The following VASH2 variants were observed in gnomAD, a reference collection of about 807,000 sequenced individuals.
The protein encoded by VASH2 is tubulinyl-Tyr carboxypeptidase 2.
VASH2 carries 28 observed loss-of-function variants against 37.2 expected under a neutral mutation model. That is an observed-to-expected ratio of 0.75 (90% CI 0.56 to 1.03). The LOEUF is 1.03. Among genes scored for constraint, VASH2 ranks in the 50% least tolerant of loss-of-function variants. The pLI is 0.00. For missense variants in VASH2, 419 were observed against 459.1 expected, an observed-to-expected ratio of 0.91 and a Z score of 0.80; for synonymous variants, 188 against 174.7, an observed-to-expected ratio of 1.08 and a Z score of -0.60.
rs958953525 is a variant in VASH2, at chr1:212,991,089, A to G, written c.*2505A>G. On this transcript the variant is annotated 3_prime_UTR_variant, in exon 8 of 8. Transcript: ENST00000517399. ...TAAGCCATCATGGCAATATATGCAA[A>G]GTTTAAATGAATGACAGAAATCTTG... 1 of 152,240 alleles carries G rather than the reference A, an allele frequency of 6.6e-6. No individual in the cohort carries two copies. The highest frequency in any genetic ancestry group is 1.5e-5 in the Non-Finnish European group (1 of 68,040). 9.4% of individuals were successfully genotyped at this position (152,240 alleles called of 1,614,324 possible).
rs76832873 is a variant in VASH2, at chr1:212,984,681, C to G, written c.996-3831C>G. Among the ~76,000 whole-genome samples, 1,318 of 152,280 alleles carry G rather than the reference C, an allele frequency of 8.7e-3. 46 individuals are homozygous for G. The highest frequency in any genetic ancestry group is 0.067 in the East Asian group (349 of 5,188). On this transcript the variant is annotated intron_variant, in intron 7 of 7. Transcript: ENST00000517399. ...CATATGTAAGAAAGCTTCAGAAACT[C>G]GGATGAGCTAACTGGTAGGTCCTAC...
chr1:212,966,227 A>G, intron 4 of VASH2, 44 bp from the exon 5 acceptor site: 2 of 1,511,912 alleles, frequency 1.3e-6, no homozygotes, highest in Non-Finnish European at 1.8e-6. Flanking sequence ...CCGAGTGTGT[A>G]ATTAAATAGG....
chr1:212,978,761 C>T (rs1667253462), intron 7 of VASH2, among the ~76,000 whole-genome samples: 1 of 152,116 alleles, frequency 6.6e-6, no homozygotes, highest in African/African-American at 2.4e-5. Flanking sequence ...TCCACAGAGC[C>T]CAGTTGGCTT....
Position 212,971,373 on chromosome 1 carries a change from GA to G in VASH2, c.498-1206del, listed in dbSNP as rs747307219. ...GAATTATTTGAGGAATTGCCATACT[GA>G]TCACATTGTGTGCATTCTGAGTCCA... On this transcript the variant is annotated intron_variant, in intron 5 of 7. Transcript: ENST00000517399. This position sits in a 1 kb window ranked among gnomAD's most constrained non-coding sequence, Gnocchi z 4.0. Among the ~76,000 whole-genome samples the G allele has an allele frequency of 4.6e-5, 7 of 152,196 alleles. No homozygotes were observed. Among genetic ancestry groups the G allele is most frequent in the Admixed American group, 2.0e-4 (3 of 15,284 alleles).
At chr1:212,982,861 C>T (rs1436677693) in intron 7 of VASH2, among the ~76,000 whole-genome samples, 1 of 152,126 alleles carries the variant, frequency 6.6e-6, no homozygotes, top group Non-Finnish European at 1.5e-5. Flanking sequence ...TAGTCCCTTT[C>T]CTTTGGAAGC....
rs1572068509 is a variant in VASH2, at chr1:212,968,885, T to G, written c.497+2540T>G. The G allele has an allele frequency of 7.1e-6, 7 of 985,414 alleles. No homozygotes were observed. The East Asian group carries it at 6.8e-4, about 96-fold the overall frequency. 61.0% of individuals were successfully genotyped at this position (985,414 alleles called of 1,614,324 possible). A position where few individuals can be genotyped will look rare whatever the true frequency, so the allele number is the denominator to read the frequency against. On this transcript the variant is annotated intron_variant, in intron 5 of 7. Coordinates refer to ENST00000517399, the MANE Select transcript of VASH2 (RefSeq NM_001301056.2). Reference sequence around the variant, plus strand: ...GACTCTTTGTTGAGGGGTGTCTGAGTGCCTCTGGATTTAGGTCATTGAAAT... The same window carrying G: ...GACTCTTTGTTGAGGGGTGTCTGAGGGCCTCTGGATTTAGGTCATTGAAAT...
chr1:212,966,695 A>G (rs1378733531), intron 5 of VASH2, among the ~76,000 whole-genome samples: 1 of 152,190 alleles, frequency 6.6e-6, no homozygotes, highest in Non-Finnish European at 1.5e-5. Flanking sequence ...ATGACATTGC[A>G]GCAGGAAAGA....
At chr1:212,986,472 CTT>C (rs1423967717) in intron 7 of VASH2, among the ~76,000 whole-genome samples, 1 of 152,232 alleles carries the variant, frequency 6.6e-6, no homozygotes, top group Non-Finnish European at 1.5e-5. Flanking sequence ...CATGTGGACT[CTT>C]TAAACCTGAC....
At chr1:212,969,166 A>G in intron 5 of VASH2, 1 of 984,548 alleles carries the variant, frequency 1.0e-6, no homozygotes. Context: ...TTGCACACAG[A>G]CAGGAAACAC....
intron 7 of VASH2, 114 bp from the exon 8 acceptor site, chr1:212,988,398 G>A (rs1414574485): frequency 3.8e-6 from 4 of 1,054,586 alleles, no homozygotes; most frequent in South Asian, 2.7e-5. Context: ...GGAATGGGAG[G>A]ATGAGACAAA....
rs1251154113 is a variant in VASH2 at position 212,990,431 on chromosome 1, T to C, written c.*1847T>C. The C allele has an allele frequency of 6.6e-6, 1 of 152,208 alleles. No homozygotes were observed. Among genetic ancestry groups the C allele is most frequent in the African/African-American group, 2.4e-5 (1 of 41,460 alleles). The allele number at this position is 152,208 out of a possible 1,614,324, so 9.4% of individuals were successfully genotyped here. A position where few individuals can be genotyped will look rare whatever the true frequency, so the allele number is the denominator to read the frequency against. On this transcript the variant is annotated 3_prime_UTR_variant, in exon 8 of 8. Coordinates refer to ENST00000517399, the MANE Select transcript of VASH2 (RefSeq NM_001301056.2). ...TGTTTGAAATAGTGAATCATTTCAT[T>C]TTCATTCTAAAACAATACTGACTTA... is the stretch of plus-strand genomic sequence containing the variant.
At chr1:212,985,664 AC>A (rs757275725) in intron 7 of VASH2, among the ~76,000 whole-genome samples, 4 of 149,714 alleles carry the variant, frequency 2.7e-5, no homozygotes, top group African/African-American at 4.9e-5. Flanking sequence ...TGATCCACCC[AC>A]CTCAGCCTCC....
intron 7 of VASH2, among the ~76,000 whole-genome samples, chr1:212,983,554 C>A (rs1572082657): frequency 6.6e-6 from 1 of 152,228 alleles, no homozygotes; most frequent in South Asian, 2.1e-4. Flanking sequence ...TGCCTCCCAA[C>A]CCCACTGCAC....
At chr1:212,983,902 A>G (rs189019772) in intron 7 of VASH2, among the ~76,000 whole-genome samples, 111 of 152,134 alleles carry the variant, frequency 7.3e-4, no homozygotes, top group African/African-American at 2.6e-3. Context: ...CTGGGGACCA[A>G]CTCTGGCTCC....
intron 7 of VASH2, among the ~76,000 whole-genome samples, chr1:212,976,466 C>T (rs1667174823): frequency 6.6e-6 from 1 of 152,004 alleles, no homozygotes; most frequent in African/African-American, 2.4e-5. Context: ...GCCTGTAGTC[C>T]CAGCTTCTTG....
In VASH2 at chr1:212,962,573, C is replaced by A. The variant is rs1033151431; in HGVS notation, c.365+1319C>A. 2.0e-5 allele frequency among the ~76,000 whole-genome samples: 3 copies of A among 152,148 alleles called. No individual in the cohort carries two copies. The South Asian group carries it at 6.2e-4, about 32-fold the overall frequency. ...ATATTTGTGTCTTCCTTGCAGGGAC[C>A]GAACACTAGCACCTCCCCCACAGGG... On this transcript the variant is annotated intron_variant, in intron 3 of 7. Coordinates refer to ENST00000517399, the MANE Select transcript of VASH2 (RefSeq NM_001301056.2).
At chr1:212,983,360 T>C (rs1423096124) in intron 7 of VASH2, among the ~76,000 whole-genome samples, 1 of 152,132 alleles carries the variant, frequency 6.6e-6, no homozygotes, top group Non-Finnish European at 1.5e-5. Flanking sequence ...TGACATCTGG[T>C]GAGAGCCTTC....
intron 2 of VASH2, among the ~76,000 whole-genome samples, chr1:212,954,687 G>A (rs1666428831): frequency 6.6e-6 from 1 of 152,082 alleles, no homozygotes; most frequent in African/African-American, 2.4e-5. Context: ...CAAAGTACCG[G>A]GATTACAAGT....
intron 7 of VASH2, among the ~76,000 whole-genome samples, chr1:212,986,645 G>A (rs1300118451): frequency 6.6e-6 from 1 of 152,178 alleles, no homozygotes; most frequent in Non-Finnish European, 1.5e-5. Context: ...CTGTAGCAGT[G>A]GCTTTGTTTA....
Sources: allele counts gnomAD v4.1 joint callset (sites outside exome capture counted in the v4.1 genomes callset), GRCh38; gene constraint gnomAD v4.1.1; non-coding constraint Gnocchi (gnomAD v3.1); transcripts MANE v1.5; gene names NCBI Gene and HGNC (gene_info 2026-07-23, HGNC 2026-07-21).